Variants in FBXW8 observed in about 807,000 individuals in gnomAD.
FBXW8 encodes F-box/WD repeat-containing protein 8.
Under a neutral mutation model 65.3 loss-of-function variants are expected in FBXW8, and 57 were observed. The ratio of observed to expected loss-of-function variants is 0.87; its 90% CI spans 0.71 to 1.09. FBXW8 has a LOEUF of 1.09. Among genes scored for constraint, FBXW8 ranks in the 50% least tolerant of loss-of-function variants. The pLI is 0.00. For missense variants in FBXW8, 777 were observed against 814.8 expected (o/e 0.95, Z 0.57); for synonymous variants, 308 against 330.2 (o/e 0.93, Z 0.73).
intron 8 of FBXW8, among the ~76,000 whole-genome samples, chr12:117,021,380 TCA>T (rs1232579392): frequency 3.3e-5 from 5 of 152,342 alleles, no homozygotes; most frequent in Non-Finnish European, 7.3e-5. Flanking sequence ...AACATTTTCC[TCA>T]GTTTATCATT....
At chr12:116,949,966 C>A in intron 4 of FBXW8, 1 of 418,374 alleles carries the variant, frequency 2.4e-6, no homozygotes, top group Non-Finnish European at 4.3e-6. Context: ...TTAAATCACT[C>A]TTGTGGCATG....
intron 7 of FBXW8, among the ~76,000 whole-genome samples, chr12:116,999,038 T>A (rs2135692242): frequency 6.6e-6 from 1 of 152,352 alleles, no homozygotes; most frequent in East Asian, 1.9e-4. Flanking sequence ...AGTGGGTTTG[T>A]AATTAACTTA....
intron 1 of FBXW8, among the ~76,000 whole-genome samples, chr12:116,913,249 A>G (rs1880139774): frequency 6.6e-6 from 1 of 152,228 alleles, no homozygotes; most frequent in South Asian, 2.1e-4. Flanking sequence ...AAGGCTTTCC[A>G]TTTGTAACAC....
intron 5 of FBXW8, among the ~76,000 whole-genome samples, chr12:116,975,185 G>A (rs184290228): frequency 6.6e-6 from 1 of 152,214 alleles, no homozygotes; most frequent in East Asian, 1.9e-4. Flanking sequence ...AATCATAATT[G>A]TCGTAGGCAA....
At chr12:116,963,974 C>T (rs1450767016) in intron 4 of FBXW8, among the ~76,000 whole-genome samples, 1 of 152,206 alleles carries the variant, frequency 6.6e-6, no homozygotes, top group Non-Finnish European at 1.5e-5. Flanking sequence ...TCTGGCCATT[C>T]TGTCATCCTG....
intron 1 of FBXW8, among the ~76,000 whole-genome samples, chr12:116,914,416 C>T (rs1880236466): frequency 6.6e-6 from 1 of 150,494 alleles, no homozygotes; most frequent in Non-Finnish European, 1.5e-5. Context: ...AACCCCATCT[C>T]TACAAAAATT....
intron 7 of FBXW8, among the ~76,000 whole-genome samples, chr12:117,000,284 A>G (rs888299688): frequency 5.9e-5 from 9 of 152,150 alleles, no homozygotes; most frequent in Non-Finnish European, 1.0e-4. Flanking sequence ...CCTGCATCTC[A>G]TATTTTCATA....
intron 4 of FBXW8, among the ~76,000 whole-genome samples, chr12:116,960,404 C>T (rs73397440): frequency 0.024 from 3,629 of 152,176 alleles, 148 homozygotes; most frequent in African/African-American, 0.083. Context: ...ATACAGGAGA[C>T]GTAGAGGCTT....
intron 1 of FBXW8, among the ~76,000 whole-genome samples, chr12:116,918,620 G>C (rs923959186): frequency 1.3e-5 from 2 of 152,182 alleles, no homozygotes; most frequent in Admixed American, 6.5e-5. Flanking sequence ...TGCAAGTCAT[G>C]AACCTAAATT....
chr12:117,025,518 G>A (rs564889220), intron 9 of FBXW8, among the ~76,000 whole-genome samples: 1 of 152,196 alleles, frequency 6.6e-6, no homozygotes, highest in Non-Finnish European at 1.5e-5. Context: ...TGCAAGGTCA[G>A]CAATTTGACA....
chr12:116,919,365 C>A (rs749460516), intron 1 of FBXW8, among the ~76,000 whole-genome samples: 73 of 152,150 alleles, frequency 4.8e-4, no homozygotes, highest in Non-Finnish European at 8.1e-4. Flanking sequence ...TCTGCTGTTA[C>A]CAGTTTGCCT....
chr12:116,990,165 G>C (rs1164587026), intron 7 of FBXW8, among the ~76,000 whole-genome samples: 1 of 152,196 alleles, frequency 6.6e-6, no homozygotes, highest in African/African-American at 2.4e-5. Context: ...TCTTCATCCA[G>C]GAAGATAGAC....
intron 8 of FBXW8, among the ~76,000 whole-genome samples, chr12:117,018,158 T>C (rs1360485125): frequency 6.6e-6 from 1 of 152,160 alleles, no homozygotes; most frequent in Non-Finnish European, 1.5e-5. Flanking sequence ...TTTGTTTTAA[T>C]TGGTGGGCTA....
chr12:116,994,457 G>C (rs182357330), intron 7 of FBXW8, among the ~76,000 whole-genome samples: 232 of 152,318 alleles, frequency 1.5e-3, no homozygotes, highest in African/African-American at 5.3e-3. Flanking sequence ...AAGGGTATGT[G>C]GTGGGAGGAC....
chr12:117,021,460 G>GTT (rs1447263703), intron 8 of FBXW8, among the ~76,000 whole-genome samples: 16 of 152,032 alleles, frequency 1.1e-4, no homozygotes, highest in African/African-American at 3.9e-4. Flanking sequence ...TCCATATTTT[G>GTT]TTATGTTTAG....
At chr12:116,923,554 C>G (rs1317431167) in intron 1 of FBXW8, among the ~76,000 whole-genome samples, 1 of 151,702 alleles carries the variant, frequency 6.6e-6, no homozygotes, top group East Asian at 1.9e-4. Context: ...GAGTCTCGCT[C>G]GCTCTGTCAC....
Position 116,911,011 on chromosome 12 carries a change from G to A in FBXW8, c.-27G>A, listed in dbSNP as rs1235955424. 2.2e-6 allele frequency: 3 copies of A among 1,383,680 alleles called. No individual in the cohort carries two copies. The highest frequency in any genetic ancestry group is 7.1e-5 in the Admixed American group (2 of 28,036). 85.7% of individuals were successfully genotyped at this position (1,383,680 alleles called of 1,614,324 possible). Reference sequence around the variant, plus strand: ...TCGTGGCACCCGGTGGAACCGAGGAGAACGTGGAGCGCCGGGAGCGGCGAA... The same window carrying A: ...TCGTGGCACCCGGTGGAACCGAGGAAAACGTGGAGCGCCGGGAGCGGCGAA... On this transcript the variant is annotated 5_prime_UTR_variant, in exon 1 of 11. Coordinates refer to ENST00000652555, the MANE Select transcript of FBXW8 (RefSeq NM_153348.3).
intron 1 of FBXW8, among the ~76,000 whole-genome samples, chr12:116,918,338 A>G (rs903126945): frequency 6.6e-6 from 1 of 152,126 alleles, no homozygotes; most frequent in Admixed American, 6.5e-5. Flanking sequence ...ATTTTTATTT[A>G]GGTGGTGTAT....
chr12:116,911,886 AAAAG>A (rs1166011951), intron 1 of FBXW8, among the ~76,000 whole-genome samples: 2 of 152,196 alleles, frequency 1.3e-5, no homozygotes, highest in Non-Finnish European at 2.9e-5. Context: ...ATCTCAGAAA[AAAAG>A]GAAGAAGAGG....
Sources: gnomAD v4.1 joint callset for allele counts (sites outside exome capture counted in the v4.1 genomes callset) on GRCh38, gnomAD v4.1.1 for gene constraint, MANE v1.5 for transcripts, NCBI Gene and HGNC (gene_info 2026-07-23, HGNC 2026-07-21) for gene names.